SPATC1: variants seen among roughly 807,000 people sequenced by gnomAD.
SPATC1 encodes spermatogenesis and centriole associated 1.
In SPATC1, 35 loss-of-function variants were observed where a neutral mutation model predicts 36.5. The ratio of observed to expected loss-of-function variants is 0.96; its 90% CI spans 0.73 to 1.27. The LOEUF is 1.27. SPATC1 is among the 50% of genes most tolerant of loss of function. The pLI is 0.00. For synonymous variants in SPATC1, 361 were observed against 353.6 expected, an observed-to-expected ratio of 1.02 and a Z score of -0.24; for missense variants, 779 against 796.0, an observed-to-expected ratio of 0.98 and a Z score of 0.26.
At chr8:144,035,013 A>G (rs1270456286) in intron 1 of SPATC1, among the ~76,000 whole-genome samples, 1 of 152,240 alleles carries the variant, frequency 6.6e-6, no homozygotes, top group African/African-American at 2.4e-5. Context: ...TTTCTTTACA[A>G]ATAGTACTGT....
At chr8:144,028,594 C>T (rs1050962837) in intron 1 of SPATC1, among the ~76,000 whole-genome samples, 1 of 152,184 alleles carries the variant, frequency 6.6e-6, no homozygotes, top group Admixed American at 6.5e-5. Flanking sequence ...AATATTTTTA[C>T]ACTGTTGGTG....
chr8:144,042,308 TA>T (rs1177355836), intron 4 of SPATC1, among the ~76,000 whole-genome samples: 983 of 66,572 alleles, frequency 0.015, 10 homozygotes, highest in East Asian at 0.021. Context: ...TATATATATA[TA>T]TATTTTTTTT....
intron 1 of SPATC1, among the ~76,000 whole-genome samples, chr8:144,036,757 C>G (rs1834906245): frequency 6.6e-6 from 1 of 151,964 alleles, no homozygotes; most frequent in African/African-American, 2.4e-5. Context: ...CCAAGGGAGC[C>G]TGTAAAATGT....
chr8:144,036,393 C>T (rs1040933095), intron 1 of SPATC1, among the ~76,000 whole-genome samples: 15 of 152,154 alleles, frequency 9.9e-5, no homozygotes, highest in African/African-American at 3.1e-4. Context: ...AGCACGATCA[C>T]GGCTCACCAC....
At chr8:144,029,291 A>G (rs1834749531) in intron 1 of SPATC1, among the ~76,000 whole-genome samples, 1 of 148,304 alleles carries the variant, frequency 6.7e-6, no homozygotes, top group Non-Finnish European at 1.5e-5. Context: ...GTACAGGGCC[A>G]GGCGCGGTAG....
chr8:144,027,384 A>G (rs947499776), intron 1 of SPATC1, among the ~76,000 whole-genome samples: 192 of 152,202 alleles, frequency 1.3e-3, no homozygotes, highest in African/African-American at 4.2e-3. Flanking sequence ...ATTTTCTCCA[A>G]TTGTTTGGGT....
At chr8:144,013,425 C>T (rs996898895) in intron 1 of SPATC1, among the ~76,000 whole-genome samples, 3 of 152,138 alleles carry the variant, frequency 2.0e-5, no homozygotes, top group Admixed American at 1.3e-4. Flanking sequence ...CCAAACTAGA[C>T]ATGTTTCTGA....
chr8:144,038,296 G>C (rs1554755151), intron 1 of SPATC1, among the ~76,000 whole-genome samples: 1 of 151,068 alleles, frequency 6.6e-6, no homozygotes, highest in Non-Finnish European at 1.5e-5. Context: ...AGCTGGGCCT[G>C]GTGGCACACA....
intron 1 of SPATC1, among the ~76,000 whole-genome samples, chr8:144,025,203 C>A (rs1834652129): frequency 1.3e-5 from 2 of 152,182 alleles, no homozygotes; most frequent in Non-Finnish European, 2.9e-5. Flanking sequence ...CCCCTTAGCA[C>A]CCTCTCCCTT....
chr8:144,040,503 G>C (rs782042802), intron 2 of SPATC1, 40 bp downstream of exon 2: 1 of 1,562,086 alleles, frequency 6.4e-7, no homozygotes, highest in African/African-American at 1.4e-5. Flanking sequence ...GAGTGGGGGG[G>C]GGCAGAGCCC....
intron 1 of SPATC1, among the ~76,000 whole-genome samples, chr8:144,034,398 A>G (rs1485515168): frequency 1.4e-5 from 2 of 143,044 alleles, no homozygotes; most frequent in African/African-American, 5.5e-5. Context: ...AAAACCAGGC[A>G]GAAATGCATT....
intron 1 of SPATC1, among the ~76,000 whole-genome samples, chr8:144,021,574 C>A (rs1411501583): frequency 2.4e-5 from 3 of 123,068 alleles, no homozygotes; most frequent in Admixed American, 7.8e-5. Flanking sequence ...TTCTAAGGAC[C>A]CTCTTACCTC....
In SPATC1 at chr8:144,040,714, G is replaced by T; in HGVS notation, c.913G>T (p.Asp305Tyr). 6.2e-7 allele frequency: 1 copy of T among 1,613,396 alleles called. No individual in the cohort carries two copies. Among genetic ancestry groups the T allele is most frequent in the South Asian group, 1.1e-5 (1 of 91,054 alleles). ...GACGGCCTTCTCCTTCAACACTTCG[G>T]ACACACAGGCCCAGCCCAGTGCCGC... ...PKTAFSFNTS[D>Y]TQAQPSAAQE... is the part of the protein sequence containing the mutation. The change falls in exon 3 of 5, where the codon GAC becomes TAC. Residue 305 changes from aspartate to tyrosine, a missense_variant. By Grantham distance (160) the Asp-to-Tyr change is radical. Transcript: ENST00000377470.
At chr8:144,011,446 C>T (rs1286488509), upstream of SPATC1, among the ~76,000 whole-genome samples, 3 of 152,174 alleles carry the variant, frequency 2.0e-5, no homozygotes, top group Non-Finnish European at 4.4e-5. The surrounding 1 kb of genome is among the most constrained non-coding windows in gnomAD (Gnocchi z 4.5). Context: ...CTTCCCCTTC[C>T]TCATTCCCAC....
chr8:144,030,863 T>A (rs1199209698), intron 1 of SPATC1, among the ~76,000 whole-genome samples: 1 of 152,186 alleles, frequency 6.6e-6, no homozygotes, highest in Non-Finnish European at 1.5e-5. Context: ...TAGTTCAAAT[T>A]AATAGCAACT....
chr8:144,011,594 A>T (rs1273902895), upstream of SPATC1, among the ~76,000 whole-genome samples: 1 of 152,226 alleles, frequency 6.6e-6, no homozygotes, highest in Non-Finnish European at 1.5e-5. This position sits in a 1 kb window ranked among gnomAD's most constrained non-coding sequence, Gnocchi z 4.5. Flanking sequence ...ACTCAAGGTC[A>T]GTACCATAGA....
At chr8:144,035,948 AG>A (rs1186016093) in intron 1 of SPATC1, among the ~76,000 whole-genome samples, 6 of 152,086 alleles carry the variant, frequency 3.9e-5, no homozygotes, top group African/African-American at 1.4e-4. Flanking sequence ...CCGCACTCTG[AG>A]CTCCATCCTC....
chr8:144,036,146 G>A (rs1431787634), intron 1 of SPATC1, among the ~76,000 whole-genome samples: 8 of 152,122 alleles, frequency 5.3e-5, no homozygotes, highest in Non-Finnish European at 8.8e-5. Context: ...GTGGTGGCTC[G>A]CAACTATAAT....
chr8:144,026,425 G>A (rs1834679332), intron 1 of SPATC1, among the ~76,000 whole-genome samples: 1 of 152,280 alleles, frequency 6.6e-6, no homozygotes, highest in South Asian at 2.1e-4. Flanking sequence ...TTCATGTACA[G>A]ATTTTGTGCA....
Sources: gnomAD v4.1 joint callset for allele counts (sites outside exome capture counted in the v4.1 genomes callset) on GRCh38, gnomAD v4.1.1 for gene constraint, Gnocchi (gnomAD v3.1) non-coding constraint, MANE v1.5 for transcripts, NCBI Gene and HGNC (gene_info 2026-07-23, HGNC 2026-07-21) for gene names.